Variants in MBOAT2 observed in about 807,000 individuals in gnomAD.
The protein encoded by MBOAT2 is membrane-bound glycerophospholipid O-acyltransferase 2.
Under a neutral mutation model 63.4 loss-of-function variants are expected in MBOAT2, and 28 were observed. The observed-to-expected ratio is 0.44, with a 90% confidence interval of 0.33 to 0.61. The LOEUF (loss-of-function observed/expected upper bound fraction) is 0.61, where lower values mean the gene tolerates loss of function less well. MBOAT2 is among the 20% of genes least tolerant of loss of function. The pLI is 0.03. For missense variants in MBOAT2, 470 were observed against 605.8 expected (o/e 0.78, Z 2.35); for synonymous variants, 211 against 215.6 (o/e 0.98, Z 0.19).
At chr2:8,941,557 C>T (rs1188681680) in intron 3 of MBOAT2, among the ~76,000 whole-genome samples, 4 of 151,460 alleles carry the variant, frequency 2.6e-5, no homozygotes, top group South Asian at 2.1e-4. Context: ...CCAGCTACTC[C>T]GGAGGCTGAG....
chr2:8,969,912 A>G (rs1670318093), intron 1 of MBOAT2, among the ~76,000 whole-genome samples: 3 of 152,192 alleles, frequency 2.0e-5, no homozygotes, highest in African/African-American at 7.2e-5. Flanking sequence ...CTCACACACA[A>G]TAATAATGGG....
At chr2:8,967,926 G>C (rs1267191908) in intron 1 of MBOAT2, among the ~76,000 whole-genome samples, 1 of 152,164 alleles carries the variant, frequency 6.6e-6, no homozygotes, top group Non-Finnish European at 1.5e-5. Flanking sequence ...ATAGTAGGCA[G>C]TTCCAAGATG....
intron 4 of MBOAT2, among the ~76,000 whole-genome samples, chr2:8,907,322 T>C (rs1445423331): frequency 6.6e-6 from 1 of 152,250 alleles, no homozygotes; most frequent in African/African-American, 2.4e-5. Flanking sequence ...TCAATATATA[T>C]TTAATGCCAT....
intron 8 of MBOAT2, among the ~76,000 whole-genome samples, chr2:8,871,155 T>G (rs1266976299): frequency 3.3e-5 from 5 of 152,074 alleles, no homozygotes; most frequent in Non-Finnish European, 5.9e-5. Context: ...ACACCACACC[T>G]GGCTAATTAA....
chr2:8,984,950 T>C (rs913441377), intron 1 of MBOAT2, among the ~76,000 whole-genome samples: 2 of 152,170 alleles, frequency 1.3e-5, no homozygotes, highest in African/African-American at 4.8e-5. Flanking sequence ...AGGGCCAGTG[T>C]TCTCCTGGAG....
At chr2:8,954,678 T>A (rs961741525) in intron 2 of MBOAT2, among the ~76,000 whole-genome samples, 1 of 152,220 alleles carries the variant, frequency 6.6e-6, no homozygotes, top group African/African-American at 2.4e-5. Context: ...ACAGTCTATG[T>A]CCAGGAAGAC....
chr2:8,946,549 AC>A lies in MBOAT2; in HGVS notation c.222-3286del, dbSNP rs1668424930. Among the ~76,000 whole-genome samples the A allele has an allele frequency of 2.6e-5, 4 of 152,242 alleles. No homozygotes were observed. In the South Asian group the frequency reaches 8.3e-4, roughly 32 times the overall value. On this transcript the variant is annotated intron_variant, in intron 2 of 12. Coordinates refer to ENST00000305997, the MANE Select transcript of MBOAT2 (RefSeq NM_138799.4). ...TTTTCCAACTAGAAGGTTTGTGGCA[AC>A]CCTGCATCGTGCCAGCCTCTTGGCA...
At chr2:8,866,132 C>A (rs1239451399) in intron 9 of MBOAT2, among the ~76,000 whole-genome samples, 2 of 152,104 alleles carry the variant, frequency 1.3e-5, no homozygotes, top group Non-Finnish European at 2.9e-5. Context: ...GCATTGATGA[C>A]CATTTTTTCC....
At chr2:8,884,430 T>C (rs1004632109) in intron 5 of MBOAT2, among the ~76,000 whole-genome samples, 3 of 151,558 alleles carry the variant, frequency 2.0e-5, no homozygotes, top group Admixed American at 6.6e-5. Context: ...AATTCCTACT[T>C]GTGACAATTC....
intron 1 of MBOAT2, among the ~76,000 whole-genome samples, chr2:8,999,180 T>C (rs1320791726): frequency 6.6e-6 from 1 of 152,168 alleles, no homozygotes; most frequent in Non-Finnish European, 1.5e-5. Flanking sequence ...TGTAAAACAA[T>C]GAATGACCCC....
chr2:8,924,451 C>T (rs187695742), intron 3 of MBOAT2, among the ~76,000 whole-genome samples: 1 of 152,244 alleles, frequency 6.6e-6, no homozygotes. Flanking sequence ...CCCTGTCTCT[C>T]CTGACCAGGT....
In MBOAT2 at chr2:9,003,463, G is replaced by A. The variant is rs553984450; in HGVS notation, c.75+77C>T. On this transcript the variant is annotated intron_variant, in intron 1 of 12. Transcript: ENST00000305997. The surrounding 1 kb of genome is among the most constrained non-coding windows in gnomAD (Gnocchi z 5.4). ...GGCCCCAGCCCCCACCCTCCTCCCGGGCCCCCGGTCGGGTGGCACCGCGGC... is the reference window on the plus strand; with the variant it reads ...GGCCCCAGCCCCCACCCTCCTCCCGAGCCCCCGGTCGGGTGGCACCGCGGC... 4.6e-5 allele frequency: 46 copies of A among 998,878 alleles called. 1 individual carries two copies. In the South Asian group the frequency reaches 1.2e-3, roughly 27 times the overall value. 61.9% of individuals were successfully genotyped at this position (998,878 alleles called of 1,614,324 possible). A position where few individuals can be genotyped will look rare whatever the true frequency, so the allele number is the denominator to read the frequency against.
intron 4 of MBOAT2, among the ~76,000 whole-genome samples, chr2:8,891,712 A>G (rs1664017153): frequency 6.6e-6 from 1 of 152,156 alleles, no homozygotes; most frequent in Non-Finnish European, 1.5e-5. Context: ...ATTGGAAAGA[A>G]CCTCCTGTTT....
In MBOAT2 at chr2:8,975,850, A is replaced by G. The variant is rs957433857; in HGVS notation, c.76-17208T>C. Reference sequence around the variant, plus strand: ...TAAGTCTTATGTTAGGCAGAGAAATAGCATCATGAGAACACAAAGTAGAGA... The same window carrying G: ...TAAGTCTTATGTTAGGCAGAGAAATGGCATCATGAGAACACAAAGTAGAGA... On this transcript the variant is annotated intron_variant, in intron 1 of 12. Coordinates refer to ENST00000305997, the MANE Select transcript of MBOAT2 (RefSeq NM_138799.4). 2.6e-5 allele frequency among the ~76,000 whole-genome samples: 4 copies of G among 151,902 alleles called. 1 individual carries two copies. Among genetic ancestry groups the G allele is most frequent in the Non-Finnish European group, 5.9e-5 (4 of 67,954 alleles).
intron 4 of MBOAT2, among the ~76,000 whole-genome samples, chr2:8,890,030 T>C (rs539612794): frequency 6.6e-6 from 1 of 152,170 alleles, no homozygotes; most frequent in Admixed American, 6.5e-5. Context: ...GGGTGACGTG[T>C]AGCTAGGAGG....
intron 3 of MBOAT2, among the ~76,000 whole-genome samples, chr2:8,934,882 C>A (rs553694285): frequency 1.2e-4 from 18 of 152,300 alleles, no homozygotes; most frequent in African/African-American, 4.1e-4. Context: ...GAGCCTTCTG[C>A]CTGCTAGATG....
chr2:8,924,444 T>C lies in MBOAT2; in HGVS notation c.300-15728A>G, dbSNP rs1242735321. 2.0e-5 allele frequency among the ~76,000 whole-genome samples: 3 copies of C among 152,322 alleles called. No individual in the cohort carries two copies. In the East Asian group the frequency reaches 5.8e-4, roughly 29 times the overall value. ...TGTGGGCTTGCTTGGTGATCTGCCC[T>C]GTCTCTCCTGACCAGGTGTTCTCTT... On this transcript the variant is annotated intron_variant, in intron 3 of 12. Coordinates refer to ENST00000305997, the MANE Select transcript of MBOAT2 (RefSeq NM_138799.4).
chr2:8,889,583 A>AAAATGAT (rs1663837725), intron 4 of MBOAT2, among the ~76,000 whole-genome samples: 1 of 152,224 alleles, frequency 6.6e-6, no homozygotes, highest in African/African-American at 2.4e-5. Flanking sequence ...CAAGCCCTTG[A>AAAATGAT]AAATGATAAA....
intron 3 of MBOAT2, among the ~76,000 whole-genome samples, chr2:8,909,298 A>G (rs563652596): frequency 5.8e-4 from 88 of 152,348 alleles, no homozygotes; most frequent in African/African-American, 2.1e-3. Flanking sequence ...ACCCAGAAAC[A>G]GACTCCAGAA....
Sources: gnomAD v4.1 joint callset for allele counts (sites outside exome capture counted in the v4.1 genomes callset) on GRCh38, gnomAD v4.1.1 for gene constraint, Gnocchi (gnomAD v3.1) non-coding constraint, MANE v1.5 for transcripts, NCBI Gene and HGNC (gene_info 2026-07-23, HGNC 2026-07-21) for gene names.